The following ARV1 variants were observed in gnomAD, a reference collection of about 807,000 sequenced individuals.
ARV1 encodes ARV1 fatty acid homeostasis modulator, also known as protein ARV1.
ARV1 carries 26 observed loss-of-function variants against 31.1 expected under a neutral mutation model. That is an observed-to-expected ratio of 0.84 (90% CI 0.61 to 1.16). The LOEUF is 1.16. Ranked by LOEUF, ARV1 falls within the 50% of genes most tolerant of loss-of-function variation. The pLI is 0.00. For synonymous variants in ARV1, 117 were observed against 123.2 expected (o/e 0.95, Z 0.34); for missense variants, 281 against 324.9 (o/e 0.86, Z 1.04).
At chr1:230,980,949 CT>C (rs901791336) in intron 1 of ARV1, among the ~76,000 whole-genome samples, 4 of 152,154 alleles carry the variant, frequency 2.6e-5, no homozygotes, top group African/African-American at 9.7e-5. Context: ...TCATTAGAAA[CT>C]GTTCTTGTTA....
In ARV1 at chr1:230,988,096, G is replaced by A. The variant is rs183297384; in HGVS notation, c.175-224G>A. On this transcript the variant is annotated intron_variant, in intron 1 of 5. Transcript: ENST00000310256. ...ATATTTTTAGCTTCTTGAATATGACGTTAAAATATTAATATTCCTAGCCTA... is the reference window on the plus strand; with the variant it reads ...ATATTTTTAGCTTCTTGAATATGACATTAAAATATTAATATTCCTAGCCTA... 3.1e-3 allele frequency among the ~76,000 whole-genome samples: 467 copies of A among 152,182 alleles called. 3 individuals are homozygous for A. Among genetic ancestry groups the A allele is most frequent in the African/African-American group, 0.01 (425 of 41,512 alleles).
chr1:230,990,426 T>G (rs10864648), intron 3 of ARV1, among the ~76,000 whole-genome samples, 163 bp downstream of exon 3: 50,088 of 152,158 alleles, frequency 0.33, 8,526 homozygotes, highest in Middle Eastern at 0.57. Flanking sequence ...GAGGTGAGTG[T>G]GTTTGAATCA....
intron 3 of ARV1, among the ~76,000 whole-genome samples, chr1:230,991,756 C>T (rs915408981): frequency 1.3e-5 from 2 of 152,036 alleles, no homozygotes; most frequent in South Asian, 4.2e-4. Context: ...CTTAGCCTCC[C>T]GAGTAGCTGG....
At chr1:230,983,511 A>G (rs1678970872) in intron 1 of ARV1, among the ~76,000 whole-genome samples, 1 of 152,154 alleles carries the variant, frequency 6.6e-6, no homozygotes, top group South Asian at 2.1e-4. Flanking sequence ...AACAAAACAA[A>G]ACTCCTATAA....
At chr1:230,995,600 CACAA>C (rs67891224) in intron 3 of ARV1, among the ~76,000 whole-genome samples, 156 bp from the exon 4 acceptor site, 5,697 of 142,586 alleles carry the variant, frequency 0.04, 282 homozygotes, top group African/African-American at 0.13. Flanking sequence ...AAAAACAACA[CACAA>C]ACAAAAAGAA....
At chr1:230,988,545 G>T in intron 2 of ARV1, 106 bp downstream of exon 2, 2 of 1,032,036 alleles carry the variant, frequency 1.9e-6, no homozygotes, top group Non-Finnish European at 2.7e-6. Flanking sequence ...AAGAGGAAAA[G>T]AAATTCTAAT....
Position 230,997,108 on chromosome 1 carries a change from T to G in ARV1, c.674-13T>G, listed in dbSNP as rs1488113721. On this transcript the variant is annotated splice_polypyrimidine_tract_variant and intron_variant, in intron 4 of 5. Coordinates refer to ENST00000310256, the MANE Select transcript of ARV1 (RefSeq NM_022786.3). ...ATTAATTCTGAACTTATTGGCTGCC[T>G]TCTCCTTTCCAGTGACCCTAAACAT... The G allele has an allele frequency of 1.9e-6, 3 of 1,612,428 alleles. No individual in the cohort carries two copies. Among genetic ancestry groups the G allele is most frequent in the Non-Finnish European group, 2.5e-6 (3 of 1,179,460 alleles).
chr1:230,995,784 T>C lies in ARV1; in HGVS notation c.473T>C (p.Ile158Thr). 1 of 1,613,754 alleles carries C rather than the reference T, an allele frequency of 6.2e-7. No individual in the cohort carries two copies. Among genetic ancestry groups the C allele is most frequent in the South Asian group, 1.1e-5 (1 of 90,946 alleles). ...GAACAAACTGCCTATTTTATTGGCA[T>C]TTTTACCTTCCTGTGGGTAGAACGG... Reference protein sequence around the residue: ...ALEQTAYFIGIFTFLWVERPM... With the variant: ...ALEQTAYFIGTFTFLWVERPM... The change falls in exon 4 of 6, where the codon ATT becomes ACT. Residue 158 changes from isoleucine to threonine, a missense_variant. Coordinates refer to ENST00000310256, the MANE Select transcript of ARV1 (RefSeq NM_022786.3).
chr1:230,990,321 T>C, intron 3 of ARV1, 58 bp downstream of exon 3: 1 of 1,588,826 alleles, frequency 6.3e-7, no homozygotes. Flanking sequence ...ACTAATCTGG[T>C]TAAAACTAAG....
In ARV1 at chr1:230,988,458, A is replaced by G. The variant is rs1679142515; in HGVS notation, c.294+19A>G. 2.0e-6 allele frequency: 3 copies of G among 1,476,250 alleles called. No individual in the cohort carries two copies. Among genetic ancestry groups the G allele is most frequent in the South Asian group, 1.4e-5 (1 of 72,406 alleles). 91.4% of individuals were successfully genotyped at this position (1,476,250 alleles called of 1,614,324 possible). ...AATAAATGTAAGTTGTGATAATTTC[A>G]TTTTTTAATTTTATTTGATGCTGTT... is the stretch of plus-strand genomic sequence containing the variant. On this transcript the variant is annotated intron_variant, in intron 2 of 5. Transcript: ENST00000310256.
chr1:230,997,742 G>A (rs1015482404), intron 5 of ARV1, among the ~76,000 whole-genome samples: 2 of 152,066 alleles, frequency 1.3e-5, no homozygotes, highest in African/African-American at 4.8e-5. Flanking sequence ...TTCTCTGTTA[G>A]TACCTTGACA....
rs1558242688 is a variant in ARV1, at chr1:230,986,666, C to CTTTTTTTTTTTTTTTTTTTTTTT, written c.175-1653_175-1652insTTTTTTTTTTTTTTTTTTTTTTT. On this transcript the variant is annotated intron_variant, in intron 1 of 5. Coordinates refer to ENST00000310256, the MANE Select transcript of ARV1 (RefSeq NM_022786.3). Reference sequence around the variant, plus strand: ...TCCACCCACAAATGTAATACTTTTCCTATTTTTTTTTTTTTTTTTTTTTTT... The same window carrying CTTTTTTTTTTTTTTTTTTTTTTT: ...TCCACCCACAAATGTAATACTTTTCCTTTTTTTTTTTTTTTTTTTTTTTTATTTTTTTTTTTTTTTTTTTTTTT... Among the ~76,000 whole-genome samples the CTTTTTTTTTTTTTTTTTTTTTTT allele has an allele frequency of 3.8e-5, 3 of 79,690 alleles. 1 individual carries two copies. Among genetic ancestry groups the CTTTTTTTTTTTTTTTTTTTTTTT allele is most frequent in the Non-Finnish European group, 5.0e-5 (2 of 40,032 alleles). The allele number at this position is 79,690 out of a possible 152,430, so 52.3% of individuals were successfully genotyped here.
chr1:230,981,088 T>G (rs1678899567), intron 1 of ARV1, among the ~76,000 whole-genome samples: 1 of 152,216 alleles, frequency 6.6e-6, no homozygotes, highest in Non-Finnish European at 1.5e-5. Flanking sequence ...GCTCTTCTTA[T>G]TGTCTTCTTA....
Position 230,979,712 on chromosome 1 carries a change from C to T in ARV1, c.174+433C>T, listed in dbSNP as rs74143526. Among the ~76,000 whole-genome samples the T allele has an allele frequency of 9.7e-3, 1,473 of 152,230 alleles. 25 individuals carry two copies. Among genetic ancestry groups the T allele is most frequent in the African/African-American group, 0.033 (1,388 of 41,534 alleles). ...ATCAATTGTCGTTATTGGATGTCTA[C>T]GGTGTACAAAGCACTATGCTAGACG... is the stretch of plus-strand genomic sequence containing the variant. On this transcript the variant is annotated intron_variant, in intron 1 of 5. Transcript: ENST00000310256.
chr1:230,981,786 C>A (rs1320235590), intron 1 of ARV1, among the ~76,000 whole-genome samples: 1 of 152,122 alleles, frequency 6.6e-6, no homozygotes, highest in Non-Finnish European at 1.5e-5. Flanking sequence ...ATGGAGTCTC[C>A]TGCTACTCTT....
intron 3 of ARV1, among the ~76,000 whole-genome samples, chr1:230,994,142 T>C (rs1679302064): frequency 6.6e-6 from 1 of 152,324 alleles, no homozygotes; most frequent in South Asian, 2.1e-4. Context: ...TATACGTAGG[T>C]AGCAGCTCCT....
chr1:230,981,631 T>G (rs1678911544), intron 1 of ARV1, among the ~76,000 whole-genome samples: 2 of 152,220 alleles, frequency 1.3e-5, no homozygotes, highest in South Asian at 4.1e-4. Flanking sequence ...TCCTTGTACC[T>G]CTTCAGTCTT....
chr1:230,990,703 G>A, intron 3 of ARV1: 1 of 307,782 alleles, frequency 3.2e-6, no homozygotes, highest in Non-Finnish European at 6.5e-6. Context: ...CCACAGGTAT[G>A]CACCACCACA....
At chr1:230,984,715 GC>G (rs1396015649) in intron 1 of ARV1, among the ~76,000 whole-genome samples, 5 of 152,194 alleles carry the variant, frequency 3.3e-5, no homozygotes, top group Non-Finnish European at 5.9e-5. Context: ...ATCAAAAGAA[GC>G]AAAATGGTTA....
Sources: gnomAD v4.1 joint callset for allele counts (sites outside exome capture counted in the v4.1 genomes callset) on GRCh38, gnomAD v4.1.1 for gene constraint, MANE v1.5 for transcripts, NCBI Gene and HGNC (gene_info 2026-07-23, HGNC 2026-07-21) for gene names.